Variants in STAT3 observed in about 807,000 individuals in gnomAD.
STAT3 encodes the protein DNA-binding protein APRF.
In STAT3, 7 loss-of-function variants were observed where a neutral mutation model predicts 114.3. The ratio of observed to expected loss-of-function variants is 0.06; its 90% CI spans 0.03 to 0.11. The LOEUF is 0.11. Among genes scored for constraint, STAT3 ranks in the 10% least tolerant of loss-of-function variants. The probability of loss-of-function intolerance (pLI) is 1.00; values close to 1 mark genes in which losing one functional copy is unlikely to be tolerated. For synonymous variants in STAT3, 331 were observed against 354.5 expected (o/e 0.93, Z 0.74); for missense variants, 364 against 960.9 (o/e 0.38, Z 8.21).
chr17:42,339,740 A>G (rs565230884), intron 4 of STAT3, among the ~76,000 whole-genome samples: 1 of 152,350 alleles, frequency 6.6e-6, no homozygotes, highest in East Asian at 1.9e-4. Flanking sequence ...CGTGGTGTCC[A>G]GTATATTTCT....
intron 1 of STAT3, among the ~76,000 whole-genome samples, chr17:42,356,142 C>T (rs76611716): frequency 0.061 from 9,262 of 152,126 alleles, 346 homozygotes; most frequent in Non-Finnish European, 0.074. Flanking sequence ...TAAAGAAACA[C>T]AGAAGATTTC....
chr17:42,383,023 G>A (rs1203092796), intron 1 of STAT3, among the ~76,000 whole-genome samples: 2 of 151,852 alleles, frequency 1.3e-5, no homozygotes, highest in Non-Finnish European at 2.9e-5. Context: ...GTTATTCCCA[G>A]GCCTCATAAC....
chr17:42,342,102 T>G (rs1360548455), intron 4 of STAT3, among the ~76,000 whole-genome samples: 1 of 152,150 alleles, frequency 6.6e-6, no homozygotes, highest in Non-Finnish European at 1.5e-5. Context: ...AATGCCTGTG[T>G]GCTAACCTCT....
intron 1 of STAT3, among the ~76,000 whole-genome samples, chr17:42,349,315 A>G (rs1031672186): frequency 2.0e-5 from 3 of 152,236 alleles, no homozygotes; most frequent in African/African-American, 7.2e-5. Flanking sequence ...CCCACTCCTC[A>G]GAGGTATTGA....
chr17:42,334,898 T>C (rs1333104304), intron 8 of STAT3, among the ~76,000 whole-genome samples: 2 of 152,206 alleles, frequency 1.3e-5, no homozygotes, highest in African/African-American at 2.4e-5. Flanking sequence ...TGAGCCCAGA[T>C]ATGCAGAACA....
intron 5 of STAT3, 59 bp downstream of exon 5, chr17:42,339,255 C>CT: frequency 2.2e-6 from 3 of 1,345,302 alleles, no homozygotes; most frequent in Non-Finnish European, 3.0e-6. Context: ...GACCCTGTCT[C>CT]AAAAAAAAAA....
At chr17:42,346,300 G>T (rs552847020) in intron 3 of STAT3, among the ~76,000 whole-genome samples, 1 of 152,156 alleles carries the variant, frequency 6.6e-6, no homozygotes, top group East Asian at 1.9e-4. Flanking sequence ...CTTCCTATCA[G>T]TGGACCGCGT....
chr17:42,318,697 G>A (rs2081346596), intron 21 of STAT3, among the ~76,000 whole-genome samples: 1 of 152,162 alleles, frequency 6.6e-6, no homozygotes, highest in Non-Finnish European at 1.5e-5. Context: ...GAACAGCACG[G>A]TCATAAAACA....
chr17:42,381,618 G>C (rs2084803090), intron 1 of STAT3, among the ~76,000 whole-genome samples: 1 of 151,626 alleles, frequency 6.6e-6, no homozygotes, highest in African/African-American at 2.4e-5. Flanking sequence ...TGTAGTCCCA[G>C]CTACTCGGGA....
intron 1 of STAT3, chr17:42,387,897 A>G: frequency 5.4e-6 from 1 of 185,222 alleles, no homozygotes; most frequent in Non-Finnish European, 1.1e-5. Flanking sequence ...CCGACCCCCC[A>G]CTCGCGCCGG....
intron 11 of STAT3, 86 bp from the exon 12 acceptor site, chr17:42,329,862 G>GA (rs2081918870): frequency 5.5e-6 from 8 of 1,450,354 alleles, no homozygotes; most frequent in African/African-American, 1.4e-5. Context: ...TTACTGTCAT[G>GA]AAAAAACCTC....
At chr17:42,339,091 A>G (rs905240686) in intron 5 of STAT3, among the ~76,000 whole-genome samples, 2 of 151,558 alleles carry the variant, frequency 1.3e-5, no homozygotes, top group Non-Finnish European at 2.9e-5. Flanking sequence ...CATCTCTACA[A>G]ATTTTTTTTT....
chr17:42,316,583 TA>T, intron 23 of STAT3: 1 of 1,372,762 alleles, frequency 7.3e-7, no homozygotes, highest in Non-Finnish European at 9.9e-7. Flanking sequence ...AAATATATTG[TA>T]AAAATTAAGT....
rs368454926 is a variant in STAT3, at chr17:42,333,677, C to T, written c.1045G>A (p.Val349Ile). Residue 349 changes from valine (V) to isoleucine (I), a missense_variant, in exon 10 of 24, where the codon GTC becomes ATC. Val to Ile is a conservative substitution (Grantham distance 29). This residue lies in a region of STAT3 where 294 missense variants were observed against 745.1 expected (regional missense o/e 0.39). Coordinates refer to ENST00000264657, the MANE Select transcript of STAT3 (RefSeq NM_139276.3). The surrounding 1 kb of genome is among the most constrained non-coding windows in gnomAD (Gnocchi z 5.2). ...IKTGVQFTTK[V>I]RLLVKFPELN... is the part of the protein sequence containing the mutation. The stretch of plus-strand genomic sequence containing the variant: ...AATGGAAGTGGCATGGCCTACCTGA[C>T]TTTAGTAGTGAACTGGACGCCGGTC... 3 of 1,614,100 alleles carry T rather than the reference C, an allele frequency of 1.9e-6. No homozygotes were observed. Among genetic ancestry groups the T allele is most frequent in the Non-Finnish European group, 2.5e-6 (3 of 1,179,988 alleles).
intron 1 of STAT3, among the ~76,000 whole-genome samples, chr17:42,365,657 T>TG (rs1255444418): frequency 2.7e-3 from 395 of 146,402 alleles, no homozygotes; most frequent in Middle Eastern, 7.1e-3. Flanking sequence ...TTTTTGTTTT[T>TG]TTTTGTTTTT....
chr17:42,338,943 A>C, intron 5 of STAT3, 131 bp from the exon 6 acceptor site: 1 of 800,780 alleles, frequency 1.2e-6, no homozygotes, highest in Non-Finnish European at 2.0e-6. Context: ...ACCTGCAGGC[A>C]GTATCCCCAA....
chr17:42,344,562 A>G (rs2082606924), intron 4 of STAT3, among the ~76,000 whole-genome samples: 1 of 151,422 alleles, frequency 6.6e-6, no homozygotes. Context: ...TAAAAAAAAT[A>G]CAAAAAATTA....
rs1488432461 is a variant in STAT3 at position 42,326,098 on chromosome 17, T to C, written c.1365+18A>G. 9 of 1,613,076 alleles carry C rather than the reference T, an allele frequency of 5.6e-6. No homozygotes were observed. Among genetic ancestry groups the C allele is most frequent in the East Asian group, 2.2e-5 (1 of 44,884 alleles). On this transcript the variant is annotated intron_variant, in intron 15 of 23. Transcript: ENST00000264657. ...ACCCCTGTACGTAGCCTCTCACCGA[T>C]TCTGCTGCAGAACTTACCTCTAGGT...
chr17:42,373,381 G>GT (rs756507032), intron 1 of STAT3, among the ~76,000 whole-genome samples: 4 of 150,824 alleles, frequency 2.7e-5, no homozygotes, highest in African/African-American at 7.3e-5. Flanking sequence ...AAGAAAACAC[G>GT]TATCTACTAA....
Sources: gnomAD v4.1 joint callset for allele counts (sites outside exome capture counted in the v4.1 genomes callset) on GRCh38, gnomAD v4.1.1 for gene constraint, gnomAD v4.1.1 regional missense constraint, Gnocchi (gnomAD v3.1) non-coding constraint, MANE v1.5 for transcripts, NCBI Gene and HGNC (gene_info 2026-07-23, HGNC 2026-07-21) for gene names.